OLAH: variants seen among roughly 807,000 people sequenced by gnomAD.
OLAH encodes the protein S-acyl fatty acid synthase thioesterase, medium chain.
OLAH carries 33 observed loss-of-function variants against 27.8 expected under a neutral mutation model. The observed-to-expected ratio is 1.19, with a 90% CI of 0.90 to 1.59. The LOEUF is 1.59. Among genes scored for constraint, OLAH ranks in the 40% most tolerant of loss-of-function variants. The probability of loss-of-function intolerance (pLI) is 0.00; values close to 1 mark genes in which losing one functional copy is unlikely to be tolerated. For synonymous variants in OLAH, 120 were observed against 102.9 expected (o/e 1.17, Z -1.01); for missense variants, 359 against 310.8 (o/e 1.16, Z -1.17).
intron 3 of OLAH, among the ~76,000 whole-genome samples, chr10:15,052,811 C>T (rs1405425088): frequency 2.0e-5 from 3 of 149,464 alleles, no homozygotes; most frequent in Admixed American, 6.8e-5. Context: ...GGCGTGATCT[C>T]GGCTCACTGC....
At chr10:15,040,324 C>T (rs1843901601), upstream of OLAH, among the ~76,000 whole-genome samples, 1 of 152,176 alleles carries the variant, frequency 6.6e-6, no homozygotes. Context: ...AGCCTATCCT[C>T]ATTGCCACAG....
chr10:15,042,255 G>A (rs891945352), upstream of OLAH, among the ~76,000 whole-genome samples: 3 of 151,908 alleles, frequency 2.0e-5, no homozygotes, highest in Non-Finnish European at 4.4e-5. Context: ...CGGTTCAAGC[G>A]ATTCTCCTGC....
intron 3 of OLAH, among the ~76,000 whole-genome samples, chr10:15,059,716 G>A (rs761609719): frequency 1.3e-5 from 2 of 152,194 alleles, no homozygotes; most frequent in South Asian, 2.1e-4. Flanking sequence ...TGAGGCAGGA[G>A]AATCACTTGA....
intron 1 of OLAH, among the ~76,000 whole-genome samples, chr10:15,032,710 G>A (rs765634261): frequency 2.6e-5 from 4 of 151,874 alleles, no homozygotes; most frequent in East Asian, 1.9e-4. Context: ...TCTCACTAGC[G>A]GTTTATTCTT....
At chr10:15,058,920 TTCCTTCCC>T (rs10655933) in intron 3 of OLAH, among the ~76,000 whole-genome samples, 1 of 136,122 alleles carries the variant, frequency 7.3e-6, no homozygotes, top group African/African-American at 2.8e-5. Flanking sequence ...ATTTCTCCCC[TTCCTTCCC>T]TCCTTCCCTC....
chr10:15,036,075 C>T (rs1259014186), intron 1 of OLAH, among the ~76,000 whole-genome samples: 1 of 152,208 alleles, frequency 6.6e-6, no homozygotes. Context: ...TGCACACGAC[C>T]TGCTAAGAAG....
chr10:15,068,529 A>C (rs1844511302), intron 6 of OLAH, among the ~76,000 whole-genome samples: 1 of 152,040 alleles, frequency 6.6e-6, no homozygotes, highest in Non-Finnish European at 1.5e-5. Context: ...AGTAGCTGGG[A>C]TTACAGACAC....
At chr10:15,034,405 T>C (rs567166237) in intron 1 of OLAH, among the ~76,000 whole-genome samples, 76 of 152,188 alleles carry the variant, frequency 5.0e-4, no homozygotes, top group African/African-American at 1.7e-3. Context: ...AGTACTGGGA[T>C]TACAGGAGTA....
At chr10:15,040,647 T>C (rs1390301596), upstream of OLAH, among the ~76,000 whole-genome samples, 1 of 151,966 alleles carries the variant, frequency 6.6e-6, no homozygotes, top group East Asian at 1.9e-4. Context: ...TTTTTAGCAA[T>C]AACCGCTACC....
chr10:15,035,909 T>C (rs1460217319), intron 1 of OLAH, among the ~76,000 whole-genome samples: 2 of 152,150 alleles, frequency 1.3e-5, no homozygotes, highest in East Asian at 1.9e-4. Context: ...CATGTTCTCA[T>C]TGAATCTCAC....
chr10:15,059,215 T>C (rs1025171793), intron 3 of OLAH, among the ~76,000 whole-genome samples: 1 of 132,966 alleles, frequency 7.5e-6, no homozygotes, highest in Non-Finnish European at 1.6e-5. Flanking sequence ...CATCCGTCCA[T>C]CTCATCCTGT....
rs1310014043 is a variant in OLAH at position 15,036,614 on chromosome 10, T to C, written c.-164+4264T>C. ...AGACATCCTCCCCTCCTTGGCCTCC[T>C]GAGTAGCTGGGACTACAGGTGCATA... On this transcript the variant is annotated intron_variant, in intron 1 of 3. Coordinates refer to the OLAH transcript ENST00000413672. 2.0e-5 allele frequency among the ~76,000 whole-genome samples: 3 copies of C among 152,206 alleles called. No homozygotes were observed. In the East Asian group the frequency reaches 5.8e-4, roughly 29 times the overall value.
Position 15,073,090 on chromosome 10 carries a change from G to T in OLAH, c.659G>T (p.Trp220Leu), listed in dbSNP as rs1291986571. Residue 220 changes from tryptophan to leucine, a missense_variant, in exon 8 of 8, where the codon TGG (tryptophan) becomes TTG (leucine). By Grantham distance (61) the Trp-to-Leu change is moderately conservative. Transcript: ENST00000378228. ...ATACAATCTTGTTTATTTTCAGCCTGGAAAGATGTAACCAGTGGAAATGCT... is the reference window on the plus strand; with the variant it reads ...ATACAATCTTGTTTATTTTCAGCCTTGAAAGATGTAACCAGTGGAAATGCT... ...SEDIAKDMEA[W>L]KDVTSGNAKI... is the part of the protein sequence containing the mutation. 1.2e-6 allele frequency: 2 copies of T among 1,612,090 alleles called. No homozygotes were observed.
intron 1 of OLAH, chr10:15,038,522 T>A (rs1843875607): frequency 6.6e-6 from 1 of 152,194 alleles, no homozygotes; most frequent in Non-Finnish European, 1.5e-5. Context: ...TTTCCTGTGC[T>A]ATTTTTGTGT....
At chr10:15,037,521 C>T (rs1043102632) in intron 1 of OLAH, among the ~76,000 whole-genome samples, 10 of 148,970 alleles carry the variant, frequency 6.7e-5, no homozygotes, top group Non-Finnish European at 1.3e-4. Context: ...GCGGAGGTTG[C>T]GGTGAGCCAA....
At chr10:15,065,887 A>T in intron 6 of OLAH, 134 bp downstream of exon 6, 1 of 732,050 alleles carries the variant, frequency 1.4e-6, no homozygotes, top group South Asian at 1.9e-5. Flanking sequence ...CTTTGGGGCC[A>T]CCTATGGTAT....
intron 6 of OLAH, chr10:15,068,029 C>G (rs1346823366): frequency 6.6e-6 from 1 of 152,140 alleles, no homozygotes; most frequent in Admixed American, 6.6e-5. Flanking sequence ...TGTTTTGTTT[C>G]TTTTTTTAAA....
chr10:15,044,772 C>T lies in OLAH; in HGVS notation c.-164+786C>T, dbSNP rs186158060. On this transcript the variant is annotated intron_variant, in intron 1 of 7. Coordinates refer to ENST00000378228, the MANE Select transcript of OLAH (RefSeq NM_001039702.3). ...TTGAAGATATCATTCTATTCTCTTC[C>T]ATGTTTTTGCATTGCTGTGAGTCCA... 3.7e-4 allele frequency among the ~76,000 whole-genome samples: 56 copies of T among 152,218 alleles called. No homozygotes were observed. The East Asian group carries it at 7.1e-3, about 19-fold the overall frequency.
At chr10:15,065,827 T>C (rs61842446) in intron 6 of OLAH, 74 bp downstream of exon 6, 38,976 of 1,382,488 alleles carry the variant, frequency 0.028, 720 homozygotes, top group Non-Finnish European at 0.034. Flanking sequence ...GGCAGTGCTC[T>C]GAGGTTGCTT....
Sources: allele counts gnomAD v4.1 joint callset (sites outside exome capture counted in the v4.1 genomes callset), GRCh38; gene constraint gnomAD v4.1.1; transcripts MANE v1.5; gene names NCBI Gene and HGNC (gene_info 2026-07-23, HGNC 2026-07-21).